LARGE1: variants seen among roughly 807,000 people sequenced by gnomAD.
The protein encoded by LARGE1 is xylosyl- and glucuronyltransferase LARGE1.
In LARGE1, 43 loss-of-function variants were observed where a neutral mutation model predicts 87.6. That is an observed-to-expected ratio of 0.49 (90% CI 0.38 to 0.63). LARGE1 has a LOEUF of 0.63. Among genes scored for constraint, LARGE1 ranks in the 30% least tolerant of loss-of-function variants. The pLI is 0.00. For synonymous variants in LARGE1, 434 were observed against 394.6 expected, an observed-to-expected ratio of 1.10 and a Z score of -1.18; for missense variants, 802 against 1,000.2, an observed-to-expected ratio of 0.80 and a Z score of 2.67.
chr22:33,562,848 A>G (rs2077902145), intron 6 of LARGE1: 1 of 152,630 alleles, frequency 6.6e-6, no homozygotes, highest in Non-Finnish European at 1.5e-5. Context: ...TATCCAACGG[A>G]GACTTACAGC....
In LARGE1 at chr22:33,892,079, A is replaced by T. The variant is rs186417107; in HGVS notation, c.-83+27916T>A. 5.2e-3 allele frequency among the ~76,000 whole-genome samples: 798 copies of T among 152,294 alleles called. 6 individuals carry two copies. Among genetic ancestry groups the T allele is most frequent in the Non-Finnish European group, 7.2e-3 (488 of 68,026 alleles). On this transcript the variant is annotated intron_variant, in intron 1 of 14. Coordinates refer to ENST00000397394, the MANE Select transcript of LARGE1 (RefSeq NM_133642.5). Reference sequence around the variant, plus strand: ...GTCCTGGCCTTCTCACCACCCTCACAAAACTACAAAGCTTCTTTCAAACAG... The same window carrying T: ...GTCCTGGCCTTCTCACCACCCTCACTAAACTACAAAGCTTCTTTCAAACAG...
At chr22:33,921,135 G>A (rs1464341332), upstream of LARGE1, among the ~76,000 whole-genome samples, 1 of 151,588 alleles carries the variant, frequency 6.6e-6, no homozygotes, top group African/African-American at 2.4e-5. The surrounding 1 kb of genome is among the most constrained non-coding windows in gnomAD (Gnocchi z 4.1). Flanking sequence ...GCCGGCCAAT[G>A]GCAAGCGCCG....
At chr22:33,472,050 A>C (rs2068864594) in intron 6 of LARGE1, among the ~76,000 whole-genome samples, 1 of 150,970 alleles carries the variant, frequency 6.6e-6, no homozygotes, top group Non-Finnish European at 1.5e-5. Context: ...ACTCTGACTC[A>C]AAAAAAAAGA....
At chr22:33,813,476 A>ATC (rs2086561285) in intron 1 of LARGE1, among the ~76,000 whole-genome samples, 1 of 151,996 alleles carries the variant, frequency 6.6e-6, no homozygotes, top group Non-Finnish European at 1.5e-5. Flanking sequence ...GACATCTGGG[A>ATC]TCTCTTCTGC....
intron 1 of LARGE1, among the ~76,000 whole-genome samples, chr22:33,817,465 G>C (rs766182449): frequency 1.3e-4 from 20 of 151,958 alleles, no homozygotes; most frequent in Non-Finnish European, 2.8e-4. Context: ...TTTCGCAGGG[G>C]ACCCGTGGGG....
At chr22:33,680,249 AATGCAGAGGT>A (rs1301300673) in intron 2 of LARGE1, among the ~76,000 whole-genome samples, 2 of 152,308 alleles carry the variant, frequency 1.3e-5, no homozygotes, top group African/African-American at 4.8e-5. Context: ...ATTCAGAAAC[AATGCAGAGGT>A]ACAGGTGTGT....
chr22:33,350,205 C>T (rs1432829591), intron 9 of LARGE1, among the ~76,000 whole-genome samples: 1 of 152,094 alleles, frequency 6.6e-6, no homozygotes, highest in Non-Finnish European at 1.5e-5. Flanking sequence ...TTCCTTTATG[C>T]TATAAAATGG....
At chr22:33,259,344 ACAC>A (rs1568993180) in intron 11 of LARGE1, among the ~76,000 whole-genome samples, 2 of 150,778 alleles carry the variant, frequency 1.3e-5, no homozygotes, top group South Asian at 2.1e-4. Context: ...ACACACACAC[ACAC>A]AAACACACAC....
At chr22:33,468,263 A>G (rs545638250) in intron 6 of LARGE1, among the ~76,000 whole-genome samples, 150 of 152,180 alleles carry the variant, frequency 9.9e-4, no homozygotes, top group African/African-American at 3.4e-3. Flanking sequence ...CATATCACCA[A>G]TTCTACCCCA....
rs1416131384 is a variant in LARGE1 at position 33,274,479 on chromosome 22, C to G, written c.2219G>C (p.Arg740Pro). 1 of 1,614,114 alleles carries G rather than the reference C, an allele frequency of 6.2e-7. No individual in the cohort carries two copies. ...LKEEFQQDMS[R>P]RYGFAALKYL... ...TTTCAGGGCAGCAAAGCCGTAGCGG[C>G]GGGACATGTCCTGCTGAAACTCTTC... is the stretch of plus-strand genomic sequence containing the variant. Residue 740 changes from arginine to proline, a missense_variant, in exon 15 of 15, where the codon CGC becomes CCC. Coordinates refer to ENST00000397394, the MANE Select transcript of LARGE1 (RefSeq NM_133642.5).
At chr22:33,764,641 C>T (rs1043515016) in intron 1 of LARGE1, among the ~76,000 whole-genome samples, 45 of 152,172 alleles carry the variant, frequency 3.0e-4, no homozygotes, top group African/African-American at 8.9e-4. Context: ...GCCTATAATC[C>T]CAGCTACTTG....
At chr22:33,144,336 T>C in the LARGE1 span, among the ~76,000 whole-genome samples, 1 of 152,190 alleles carries the variant, frequency 6.6e-6, no homozygotes, top group Non-Finnish European at 1.5e-5. Context: ...CAAAATTTTA[T>C]AGTTTTTAAT....
chr22:33,682,092 T>C (rs758155558), intron 2 of LARGE1, among the ~76,000 whole-genome samples: 58 of 151,626 alleles, frequency 3.8e-4, no homozygotes, highest in Non-Finnish European at 5.9e-4. Flanking sequence ...CATGCCAAAG[T>C]GATCCACACC....
intron 4 of LARGE1, among the ~76,000 whole-genome samples, chr22:33,609,084 C>T (rs890559849): frequency 1.3e-5 from 2 of 152,224 alleles, no homozygotes; most frequent in African/African-American, 2.4e-5. Flanking sequence ...AGACAAAAAA[C>T]GGGCTGAATG....
chr22:33,570,932 G>A (rs923231741), intron 5 of LARGE1, among the ~76,000 whole-genome samples: 6 of 152,122 alleles, frequency 3.9e-5, no homozygotes, highest in African/African-American at 1.4e-4. Flanking sequence ...GAGGAAACCT[G>A]GAGGGCACCA....
chr22:33,164,921 C>T (rs536757157), exon 12 of LARGE1: 4 of 152,138 alleles, frequency 2.6e-5, no homozygotes, highest in South Asian at 2.1e-4. Context: ...AACCAAATAC[C>T]GCACATTCTC....
At chr22:33,886,652 C>G in intron 1 of LARGE1, among the ~76,000 whole-genome samples, 1 of 76,010 alleles carries the variant, frequency 1.3e-5, no homozygotes, top group Non-Finnish European at 2.3e-5. Flanking sequence ...GAGTGAGATT[C>G]TGCCAAAAAA....
At chr22:33,199,843 C>CTTT (rs3071494) in intron 11 of LARGE1, among the ~76,000 whole-genome samples, 1 of 146,698 alleles carries the variant, frequency 6.8e-6, no homozygotes, top group African/African-American at 2.5e-5. Flanking sequence ...CGTGCAGACA[C>CTTT]TTTTTTTTTT....
At chr22:33,481,964 CCAGA>C (rs771290126) in intron 6 of LARGE1, among the ~76,000 whole-genome samples, 7 of 152,158 alleles carry the variant, frequency 4.6e-5, no homozygotes, top group Non-Finnish European at 7.3e-5. Flanking sequence ...TTCCTACCTA[CCAGA>C]CAGTTAGGTC....
Sources: allele counts gnomAD v4.1 joint callset (sites outside exome capture counted in the v4.1 genomes callset), GRCh38; gene constraint gnomAD v4.1.1; non-coding constraint Gnocchi (gnomAD v3.1); transcripts MANE v1.5; gene names NCBI Gene and HGNC (gene_info 2026-07-23, HGNC 2026-07-21).